Variants in COL21A1 observed in about 807,000 individuals in gnomAD.
COL21A1 encodes the protein collagen alpha-1(XXI) chain.
In COL21A1, 149 loss-of-function variants were observed where a neutral mutation model predicts 137.9. That is an observed-to-expected ratio of 1.08 (90% confidence interval 0.95 to 1.24). The LOEUF (loss-of-function observed/expected upper bound fraction) is 1.24, where lower values mean the gene tolerates loss of function less well. Ranked by LOEUF, COL21A1 falls within the 50% of genes most tolerant of loss-of-function variation. The probability of loss-of-function intolerance (pLI) is 0.00; values close to 1 mark genes in which losing one functional copy is unlikely to be tolerated. For missense variants in COL21A1, 1,167 were observed against 1,158.4 expected, an observed-to-expected ratio of 1.01 and a Z score of -0.11; for synonymous variants, 456 against 391.5, an observed-to-expected ratio of 1.16 and a Z score of -1.95.
At chr6:56,216,380 G>C (rs1216472800) in intron 1 of COL21A1, among the ~76,000 whole-genome samples, 2 of 152,026 alleles carry the variant, frequency 1.3e-5, no homozygotes, top group Admixed American at 1.3e-4. Flanking sequence ...AGACCCAAAA[G>C]TTGATACAAC....
chr6:56,065,218 T>G (rs528171281), intron 23 of COL21A1, among the ~76,000 whole-genome samples: 38 of 152,200 alleles, frequency 2.5e-4, no homozygotes, highest in Non-Finnish European at 3.8e-4. Flanking sequence ...TACTTCATCC[T>G]TATATTTATT....
intron 1 of COL21A1, among the ~76,000 whole-genome samples, chr6:56,302,970 C>T (rs368358023): frequency 0.08 from 12,140 of 151,930 alleles, 508 homozygotes; most frequent in Middle Eastern, 0.14. Flanking sequence ...TTCCCAGCAC[C>T]ATTTATTAAA....
intron 1 of COL21A1, among the ~76,000 whole-genome samples, chr6:56,278,348 G>C (rs887589252): frequency 6.6e-6 from 1 of 152,158 alleles, no homozygotes; most frequent in Non-Finnish European, 1.5e-5. Context: ...CTGTGTACAA[G>C]CCAGAAGGGA....
At chr6:56,318,948 T>G (rs552933230) in intron 1 of COL21A1, among the ~76,000 whole-genome samples, 1 of 150,330 alleles carries the variant, frequency 6.7e-6, no homozygotes, top group African/African-American at 2.4e-5. Context: ...ACACACACAC[T>G]CTTAAACCCA....
At chr6:56,214,388 A>ATTT (rs1172376618) in intron 1 of COL21A1, among the ~76,000 whole-genome samples, 1 of 152,122 alleles carries the variant, frequency 6.6e-6, no homozygotes, top group Non-Finnish European at 1.5e-5. Context: ...TTGAATACAT[A>ATTT]TTTTTAAATT....
chr6:56,190,871 C>T (rs1778625306), intron 1 of COL21A1, among the ~76,000 whole-genome samples: 1 of 152,108 alleles, frequency 6.6e-6, no homozygotes, highest in South Asian at 2.1e-4. Flanking sequence ...CAGAAAAGGC[C>T]TTCAACAAAA....
chr6:56,238,833 T>C (rs1782078966), intron 1 of COL21A1, among the ~76,000 whole-genome samples: 1 of 152,138 alleles, frequency 6.6e-6, no homozygotes, highest in South Asian at 2.1e-4. Flanking sequence ...AATGTAAGTG[T>C]GAAAAAGCTT....
rs563203584 is a variant in COL21A1, at chr6:56,343,023, T to C, written c.-39+50948A>G. On this transcript the variant is annotated intron_variant, in intron 1 of 28. Transcript: ENST00000370819. ...AAATAAAATTTCAAGCTACAAATCA[T>C]CTTTATGTGAGCAGAATCCTTGCCT... Among the ~76,000 whole-genome samples the C allele has an allele frequency of 1.1e-3, 167 of 152,300 alleles. 1 individual carries two copies. Among genetic ancestry groups the C allele is most frequent in the African/African-American group, 3.9e-3 (164 of 41,550 alleles).
intron 1 of COL21A1, among the ~76,000 whole-genome samples, chr6:56,316,477 C>CTTTTTTTTTTTTTTTTTTTTTTTTTTTT (rs60388494): frequency 1.3e-5 from 1 of 75,786 alleles, no homozygotes; most frequent in African/African-American, 5.0e-5. Context: ...TCTAAATAGA[C>CTTTTTTTTTTTTTTTTTTTTTTTTTTTT]TTTTTTTTTT....
At chr6:56,340,886 A>G (rs1292022727) in intron 1 of COL21A1, among the ~76,000 whole-genome samples, 1 of 152,198 alleles carries the variant, frequency 6.6e-6, no homozygotes, top group African/African-American at 2.4e-5. Context: ...CTGTCAGCCC[A>G]AGGTGTCAGC....
At chr6:56,362,833 A>T (rs1226233865) in intron 1 of COL21A1, among the ~76,000 whole-genome samples, 1 of 152,096 alleles carries the variant, frequency 6.6e-6, no homozygotes, top group African/African-American at 2.4e-5. Flanking sequence ...TGTGTGTTTG[A>T]TCCCAGGTCC....
chr6:56,282,589 C>T (rs904691219), intron 1 of COL21A1, among the ~76,000 whole-genome samples: 2 of 152,216 alleles, frequency 1.3e-5, no homozygotes, highest in African/African-American at 4.8e-5. Context: ...GTGGTCAGAA[C>T]AGCATGCAGA....
chr6:56,221,790 T>G (rs755476907), intron 1 of COL21A1, among the ~76,000 whole-genome samples: 3 of 152,260 alleles, frequency 2.0e-5, no homozygotes, highest in Admixed American at 6.5e-5. Context: ...TTGACATAGC[T>G]CTATTCTTTT....
At chr6:56,090,027 G>A (rs957749669) in intron 17 of COL21A1, among the ~76,000 whole-genome samples, 3 of 152,164 alleles carry the variant, frequency 2.0e-5, no homozygotes, top group Admixed American at 1.3e-4. Context: ...GGATCATGAT[G>A]TCAAGAGATC....
intron 9 of COL21A1, 117 bp downstream of exon 9, chr6:56,164,306 T>G: frequency 1.4e-6 from 1 of 733,404 alleles, no homozygotes; most frequent in East Asian, 2.7e-5. Flanking sequence ...GGTTTTAAAC[T>G]CTATAAGAAA....
At chr6:56,183,751 A>T (rs183446511) in intron 1 of COL21A1, among the ~76,000 whole-genome samples, 200 of 152,322 alleles carry the variant, frequency 1.3e-3, no homozygotes, top group African/African-American at 4.0e-3. Context: ...CAGAAGTAGC[A>T]AAAAGTGTTT....
Position 56,311,023 on chromosome 6 carries a change from G to A in COL21A1, c.-39+82948C>T, listed in dbSNP as rs572795192. ...CTCACAAAAGCCAGGAATAATATAC[G>A]GCTATTAGGTTTTAAAAGATATAAC... On this transcript the variant is annotated intron_variant, in intron 1 of 28. Transcript: ENST00000370819. Among the ~76,000 whole-genome samples, 5 of 152,150 alleles carry A rather than the reference G, an allele frequency of 3.3e-5. No homozygotes were observed. The East Asian group carries it at 5.8e-4, about 18-fold the overall frequency.
chr6:56,189,480 A>C (rs1778518741), intron 1 of COL21A1, among the ~76,000 whole-genome samples: 1 of 152,170 alleles, frequency 6.6e-6, no homozygotes, highest in African/African-American at 2.4e-5. Flanking sequence ...GAAAAGACCA[A>C]ATCTATATTT....
rs115568632 is a variant in COL21A1 at position 56,226,501 on chromosome 6, A to G, written c.-39+20886T>C. 3.9e-3 allele frequency among the ~76,000 whole-genome samples: 591 copies of G among 152,184 alleles called. 5 individuals are homozygous for G. The highest frequency in any genetic ancestry group is 0.013 in the African/African-American group (539 of 41,560). Reference sequence around the variant, plus strand: ...TATAAAATAAACCAGTTCCTCCATTATATTAATGGTATCTGGCTTTTCAAG... The same window carrying G: ...TATAAAATAAACCAGTTCCTCCATTGTATTAATGGTATCTGGCTTTTCAAG... On this transcript the variant is annotated intron_variant, in intron 1 of 29. Coordinates refer to ENST00000244728, the MANE Select transcript of COL21A1 (RefSeq NM_030820.4).
Sources: allele counts gnomAD v4.1 joint callset (sites outside exome capture counted in the v4.1 genomes callset), GRCh38; gene constraint gnomAD v4.1.1; transcripts MANE v1.5; gene names NCBI Gene and HGNC (gene_info 2026-07-23, HGNC 2026-07-21).